Variants in LCOR observed in about 807,000 individuals in gnomAD.
LCOR encodes ligand dependent nuclear receptor corepressor.
Under a neutral mutation model 64.4 loss-of-function variants are expected in LCOR, and 14 were observed. That is an observed-to-expected ratio of 0.22 (90% CI 0.14 to 0.34). The LOEUF (loss-of-function observed/expected upper bound fraction) is 0.34. Ranked by LOEUF, LCOR falls within the 10% of genes least tolerant of loss-of-function variation. The pLI is 1.00. For synonymous variants in LCOR, 643 were observed against 642.5 expected, an observed-to-expected ratio of 1.00 and a Z score of -0.01; for missense variants, 1,686 against 1,765.3, an observed-to-expected ratio of 0.96 and a Z score of 0.80.
intron 4 of LCOR, among the ~76,000 whole-genome samples, chr10:96,941,118 A>C (rs1589670651): frequency 1.0e-5 from 1 of 95,658 alleles, no homozygotes. Context: ...GGGGCTCCTC[A>C]CTTCCCAGTA....
intron 4 of LCOR, among the ~76,000 whole-genome samples, chr10:96,941,390 T>A (rs1355904798): frequency 3.7e-4 from 38 of 103,132 alleles, no homozygotes; most frequent in East Asian, 1.9e-3. Context: ...CCTCCCGGAC[T>A]GGGCGGCTGG....
chr10:96,971,879 A>G (rs565155551), intron 7 of LCOR, among the ~76,000 whole-genome samples: 74 of 152,308 alleles, frequency 4.9e-4, no homozygotes, highest in African/African-American at 1.8e-3. Flanking sequence ...AACAGGCCTT[A>G]TAACTCTTAC....
intron 2 of LCOR, among the ~76,000 whole-genome samples, chr10:96,898,270 T>C (rs948328951): frequency 2.0e-5 from 3 of 152,078 alleles, no homozygotes; most frequent in Non-Finnish European, 4.4e-5. Flanking sequence ...AGGAAGAACA[T>C]TGTAGGCTGA....
chr10:96,983,177 T>A lies in LCOR; in HGVS notation c.2717T>A (p.Ile906Asn). ...GAGCAGGAGGGCGAAGGCGGGGGGA[T>A]CATCACCAGGCAGACTTTGAAAAAC... The part of the protein sequence containing the change: ...DAEQEGEGGG[I>N]ITRQTLKNML... The change falls in exon 8 of 8, where the codon ATC (isoleucine) becomes AAC (asparagine). Residue 906 changes from isoleucine (I) to asparagine (N), a missense_variant. Transcript: ENST00000421806. The surrounding 1 kb of genome is among the most constrained non-coding windows in gnomAD (Gnocchi z 4.5). 6.2e-7 allele frequency: 1 copy of A among 1,614,004 alleles called. No individual in the cohort carries two copies. The highest frequency in any genetic ancestry group is 8.5e-7 in the Non-Finnish European group (1 of 1,180,024).
intron 2 of LCOR, among the ~76,000 whole-genome samples, chr10:96,897,984 C>A (rs12265242): frequency 6.6e-6 from 1 of 151,030 alleles, no homozygotes; most frequent in Admixed American, 6.6e-5. Context: ...AAATCTCCAA[C>A]CTCTCAGTTA....
chr10:96,983,821 G>C lies in LCOR; in HGVS notation c.3361G>C (p.Val1121Leu). 1 of 1,614,130 alleles carries C rather than the reference G, an allele frequency of 6.2e-7. No homozygotes were observed. The highest frequency in any genetic ancestry group is 8.5e-7 in the Non-Finnish European group (1 of 1,180,018). ...CAACTTCAATGCCCAGTACATGAAA[G>C]TTCAGAAGGGCTGGATCCAGTTGGA... ...IANFNAQYMK[V>L]QKGWIQLEKE... Residue 1121 changes from valine to leucine, a missense_variant, in exon 8 of 8, where the codon GTT becomes CTT. By Grantham distance (32) the Val-to-Leu change is conservative. Transcript: ENST00000421806. The surrounding 1 kb of genome is among the most constrained non-coding windows in gnomAD (Gnocchi z 4.5).
intron 7 of LCOR, chr10:96,958,727 A>G (rs1847822889): frequency 2.9e-6 from 1 of 349,590 alleles, no homozygotes; most frequent in African/African-American, 2.0e-5. Flanking sequence ...GAATAAGCAT[A>G]TTTCCTCCAA....
intron 7 of LCOR, among the ~76,000 whole-genome samples, chr10:96,969,017 G>A (rs1847974436): frequency 6.6e-6 from 1 of 152,090 alleles, no homozygotes; most frequent in Non-Finnish European, 1.5e-5. Context: ...CCGAGTTTCA[G>A]TTTTCTTATC....
chr10:96,946,199 T>G (rs1847587637), intron 5 of LCOR, among the ~76,000 whole-genome samples: 1 of 152,090 alleles, frequency 6.6e-6, no homozygotes, highest in East Asian at 1.9e-4. Flanking sequence ...CTCTTTAAAT[T>G]AATACCAAAA....
chr10:96,949,160 A>G lies in LCOR; in HGVS notation c.103A>G (p.Lys35Glu). ...TAGCACAAAGAACCAAAGCCTGCCG[A>G]AAGCATCTCCAGTCACCACCTCTCC... Reference protein sequence around the residue: ...PNSTKNQSLPKASPVTTSPTA... With the variant: ...PNSTKNQSLPEASPVTTSPTA... The change falls in exon 6 of 8, where the codon AAA becomes GAA. Residue 35 changes from lysine to glutamate, a missense_variant. Lys to Glu is a moderately conservative substitution (Grantham distance 56). This residue lies in a region of LCOR where 80 missense variants were observed against 107.7 expected (regional missense o/e 0.74). Coordinates refer to ENST00000421806, the MANE Select transcript of LCOR (RefSeq NM_001346516.2). 1.9e-6 allele frequency: 3 copies of G among 1,614,148 alleles called. No individual in the cohort carries two copies. Among genetic ancestry groups the G allele is most frequent in the Non-Finnish European group, 8.5e-7 (1 of 1,180,008 alleles).
In LCOR at chr10:96,981,841, C is replaced by T. The variant is rs142483845; in HGVS notation, c.1381C>T (p.Leu461=). 6.2e-7 allele frequency: 1 copy of T among 1,614,214 alleles called. No homozygotes were observed. The highest frequency in any genetic ancestry group is 2.2e-5 in the East Asian group (1 of 44,890). ...TCGGAAAAGTAAAAGGGCATCAGGG[C>T]TGAGGATAAATGATTATGATAACCA... The part of the protein sequence containing the change: ...TARKSKRASG[L]RINDYDNQCD... Residue 461 remains leucine (L), a synonymous_variant, in exon 8 of 8, where the codon CTG becomes TTG. Transcript: ENST00000421806.
intron 2 of LCOR, among the ~76,000 whole-genome samples, chr10:96,852,298 T>C (rs1318661069): frequency 6.6e-6 from 1 of 152,134 alleles, no homozygotes; most frequent in Non-Finnish European, 1.5e-5. Flanking sequence ...GGCGCATGCC[T>C]GTAGTCCCAG....
At chr10:96,909,337 T>C (rs562144236) in intron 4 of LCOR, among the ~76,000 whole-genome samples, 75 of 152,358 alleles carry the variant, frequency 4.9e-4, no homozygotes, top group Non-Finnish European at 7.5e-4. Flanking sequence ...TATACAGTTT[T>C]CTTTCAACTA....
chr10:96,837,195 T>G (rs186279628), intron 2 of LCOR, among the ~76,000 whole-genome samples: 148 of 152,296 alleles, frequency 9.7e-4, no homozygotes, highest in Non-Finnish European at 1.7e-3. Context: ...TTTCACCGTG[T>G]TAGCCAGGAT....
intron 4 of LCOR, among the ~76,000 whole-genome samples, chr10:96,928,238 A>C (rs1192837822): frequency 6.6e-6 from 1 of 152,212 alleles, no homozygotes; most frequent in African/African-American, 2.4e-5. Context: ...ACTTCTTTCA[A>C]AATTGGAGCC....
In LCOR at chr10:96,992,047, T is replaced by G. The variant is rs572066865; in HGVS notation, c.*6913T>G. ...CTCATAGTTGTCTTGTAGCTAAAGC[T>G]GAGGTATTTGGGAGCTAATTTTTGG... On this transcript the variant is annotated 3_prime_UTR_variant, in exon 8 of 8. Transcript: ENST00000421806. 1 of 152,230 alleles carries G rather than the reference T, an allele frequency of 6.6e-6. No individual in the cohort carries two copies. Among genetic ancestry groups the G allele is most frequent in the South Asian group, 2.1e-4 (1 of 4,834 alleles). The allele number at this position is 152,230 out of a possible 1,614,324, so 9.4% of individuals were successfully genotyped here.
chr10:96,910,931 A>C (rs985288928), intron 4 of LCOR, among the ~76,000 whole-genome samples: 1 of 152,204 alleles, frequency 6.6e-6, no homozygotes, highest in Admixed American at 6.5e-5. Context: ...AAAAATACGA[A>C]GTAGCCTCTT....
intron 2 of LCOR, among the ~76,000 whole-genome samples, chr10:96,850,301 G>A (rs781445823): frequency 9.9e-5 from 15 of 152,022 alleles, no homozygotes; most frequent in Non-Finnish European, 2.1e-4. Context: ...TGTAATCTTC[G>A]CACTTTGGGA....
In LCOR at chr10:96,982,914, A is replaced by G; in HGVS notation, c.2454A>G (p.Arg818=). Residue 818 remains arginine (R), a synonymous_variant, in exon 8 of 8, where the codon AGA becomes AGG. Coordinates refer to ENST00000421806, the MANE Select transcript of LCOR (RefSeq NM_001346516.2). ...KFPEASDRCL[R]SQLSDSSSAD... Reference sequence around the variant, plus strand: ...CTGAGGCCTCTGATAGGTGCCTAAGAAGTCAACTTTCGGATTCTTCCTCTG... The same window carrying G: ...CTGAGGCCTCTGATAGGTGCCTAAGGAGTCAACTTTCGGATTCTTCCTCTG... The G allele has an allele frequency of 6.2e-7, 1 of 1,613,768 alleles. No homozygotes were observed. The highest frequency in any genetic ancestry group is 8.5e-7 in the Non-Finnish European group (1 of 1,179,960).
Sources: gnomAD v4.1 joint callset for allele counts (sites outside exome capture counted in the v4.1 genomes callset) on GRCh38, gnomAD v4.1.1 for gene constraint, gnomAD v4.1.1 regional missense constraint, Gnocchi (gnomAD v3.1) non-coding constraint, MANE v1.5 for transcripts, NCBI Gene and HGNC (gene_info 2026-07-23, HGNC 2026-07-21) for gene names.